Variants in CUBN observed in about 807,000 individuals in gnomAD.
CUBN encodes the protein 460 kDa receptor.
CUBN carries 282 observed loss-of-function variants against 405.3 expected under a neutral mutation model. That is an observed-to-expected ratio of 0.70 (90% CI 0.63 to 0.77). CUBN has a LOEUF of 0.77. Ranked by LOEUF, CUBN falls within the 30% of genes least tolerant of loss-of-function variation. The probability of loss-of-function intolerance (pLI) is 0.00; values close to 1 mark genes in which losing one functional copy is unlikely to be tolerated. For missense variants in CUBN, 4,514 were observed against 4,475.2 expected (o/e 1.01, Z -0.25); for synonymous variants, 1,684 against 1,617.0 (o/e 1.04, Z -0.99).
intron 27 of CUBN, among the ~76,000 whole-genome samples, chr10:17,025,336 A>T (rs984070511): frequency 6.6e-6 from 1 of 152,230 alleles, no homozygotes; most frequent in African/African-American, 2.4e-5. Flanking sequence ...TTTATTGTAG[A>T]ATGTACTTGA....
At chr10:17,007,080 G>A (rs1834046275) in intron 28 of CUBN, among the ~76,000 whole-genome samples, 1 of 152,166 alleles carries the variant, frequency 6.6e-6, no homozygotes, top group Admixed American at 6.5e-5. Context: ...GAAGGCTTCT[G>A]GGAGCAACGA....
chr10:16,920,557 G>C (rs1842006735), intron 43 of CUBN, among the ~76,000 whole-genome samples: 2 of 152,098 alleles, frequency 1.3e-5, no homozygotes, highest in African/African-American at 4.8e-5. Context: ...AAAAGACTAA[G>C]CAGATATATC....
chr10:17,049,366 G>C (rs1011503802), intron 22 of CUBN, among the ~76,000 whole-genome samples: 3 of 152,124 alleles, frequency 2.0e-5, no homozygotes, highest in Admixed American at 1.3e-4. Flanking sequence ...ATTATCTGTC[G>C]TCACTTGTTC....
chr10:17,047,867 C>G (rs1251734689), intron 22 of CUBN, among the ~76,000 whole-genome samples: 1 of 152,110 alleles, frequency 6.6e-6, no homozygotes, highest in East Asian at 1.9e-4. Flanking sequence ...GAAAGTGTTA[C>G]GTTTTTCTAA....
rs573686330 is a variant in CUBN at position 16,917,837 on chromosome 10, C to T, written c.7000+785G>A. On this transcript the variant is annotated intron_variant, in intron 45 of 66. Transcript: ENST00000377833. Reference sequence around the variant, plus strand: ...GCAAATAGACTTATTTTTAAAAAGTCATGGTTTTTAAAAAAGTTTTAACAT... The same window carrying T: ...GCAAATAGACTTATTTTTAAAAAGTTATGGTTTTTAAAAAAGTTTTAACAT... Among the ~76,000 whole-genome samples, 6 of 152,094 alleles carry T rather than the reference C, an allele frequency of 3.9e-5. No homozygotes were observed. The East Asian group carries it at 1.2e-3, about 29-fold the overall frequency.
chr10:17,119,477 T>C (rs889303645), intron 6 of CUBN, among the ~76,000 whole-genome samples: 8 of 152,074 alleles, frequency 5.3e-5, no homozygotes, highest in South Asian at 2.1e-4. Flanking sequence ...CTGGCCAACA[T>C]GGTGAAACCC....
chr10:16,966,117 T>G (rs566259963), intron 31 of CUBN: 74 of 398,960 alleles, frequency 1.9e-4, no homozygotes, highest in African/African-American at 1.4e-3. Flanking sequence ...GAGTCCCCCA[T>G]CCTTTGCATC....
At position 16,937,066 on chromosome 10, in the gene CUBN, A is replaced by G. The variant is rs546357869; in HGVS notation, c.5926+526T>C. Among the ~76,000 whole-genome samples the G allele has an allele frequency of 6.8e-4, 103 of 152,310 alleles. 2 individuals carry two copies. The South Asian group carries it at 0.011, about 16-fold the overall frequency. On this transcript the variant is annotated intron_variant, in intron 39 of 66. Transcript: ENST00000377833. ...AAGTCTCCCCAAACAATGCTAGCTC[A>G]ATATCACTTTCACTGAGGGGATTAG...
rs769528600 is a variant in CUBN at position 16,915,865 on chromosome 10, C to T, written c.7166G>A (p.Gly2389Asp). 6.2e-7 allele frequency: 1 copy of T among 1,613,896 alleles called. No individual in the cohort carries two copies. The highest frequency in any genetic ancestry group is 8.5e-7 in the Non-Finnish European group (1 of 1,179,978). ...GATCTCCACGAAGTCTTTTTCACAG[C>T]CAGAAGAATTCTGAAGGTTAAAGTC... ...FEDFNLQNSS[G>D]CEKDFVEIWD... Residue 2389 changes from glycine (G) to aspartate (D), a missense_variant, in exon 46 of 67, where the codon GGC becomes GAC. By Grantham distance (94) the Gly-to-Asp change is moderately conservative. This residue lies in a region of CUBN where 1,613 missense variants were observed against 1,542.8 expected (regional missense o/e 1.05). Coordinates refer to ENST00000377833, the MANE Select transcript of CUBN (RefSeq NM_001081.4).
chr10:16,860,081 G>T (rs551417296), intron 59 of CUBN, among the ~76,000 whole-genome samples: 7 of 151,904 alleles, frequency 4.6e-5, no homozygotes, highest in Non-Finnish European at 1.0e-4. Context: ...TTTAAAAGGG[G>T]AGTAATAAAA....
At chr10:16,932,620 C>T (rs1044298461) in intron 40 of CUBN, among the ~76,000 whole-genome samples, 3 of 152,148 alleles carry the variant, frequency 2.0e-5, no homozygotes, top group African/African-American at 7.2e-5. Flanking sequence ...GAGACAGGGT[C>T]TCATTCTGCT....
In CUBN at chr10:17,104,548, T is replaced by C. The variant is rs2131301143; in HGVS notation, c.1288A>G (p.Thr430Ala). ...CTCAAACACTCATTGATGTTTTCTG[T>C]ACAGTTGACACCTGTCCAACCTGAG... ...CDSGWTGVNCTENINECLSNP... is the reference protein window; with the variant it reads ...CDSGWTGVNCAENINECLSNP... The change falls in exon 12 of 67, where the codon ACA (threonine) becomes GCA (alanine). Residue 430 changes from threonine to alanine, a missense_variant. By Grantham distance (58) the Thr-to-Ala change is moderately conservative. This residue lies in a region of CUBN where 1,448 missense variants were observed against 1,388.0 expected (regional missense o/e 1.04). Transcript: ENST00000377833. 4 of 1,613,772 alleles carry C rather than the reference T, an allele frequency of 2.5e-6. No homozygotes were observed. Among genetic ancestry groups the C allele is most frequent in the Non-Finnish European group, 3.4e-6 (4 of 1,179,978 alleles).
chr10:16,977,372 G>A (rs1833129403), intron 31 of CUBN, among the ~76,000 whole-genome samples: 2 of 152,142 alleles, frequency 1.3e-5, no homozygotes, highest in Non-Finnish European at 2.9e-5. Context: ...AAATAGAAGA[G>A]CAGAGGAGCA....
At chr10:17,085,836 C>G in intron 15 of CUBN, 77 bp from the exon 16 acceptor site, 1 of 1,290,742 alleles carries the variant, frequency 7.7e-7, no homozygotes, top group Non-Finnish European at 1.1e-6. Flanking sequence ...ATATTAACTT[C>G]ATAAAATCTA....
chr10:16,948,368 G>T, intron 35 of CUBN, 110 bp downstream of exon 35: 1 of 1,429,598 alleles, frequency 7.0e-7, no homozygotes, highest in Non-Finnish European at 9.8e-7. Flanking sequence ...GCCCAGAGGT[G>T]ATCTCAGGAA....
chr10:16,958,421 G>A (rs899463243), intron 31 of CUBN, among the ~76,000 whole-genome samples: 1 of 152,152 alleles, frequency 6.6e-6, no homozygotes, highest in Non-Finnish European at 1.5e-5. Context: ...AGCTACTCAG[G>A]AGGCTGAGGC....
At chr10:16,836,881 T>C (rs1839187730) in intron 62 of CUBN, among the ~76,000 whole-genome samples, 2 of 152,158 alleles carry the variant, frequency 1.3e-5, no homozygotes, top group South Asian at 4.1e-4. Flanking sequence ...CCGGTTCCCC[T>C]TTGTAACACT....
At chr10:17,081,561 A>G (rs932042392) in intron 17 of CUBN, among the ~76,000 whole-genome samples, 5 of 152,170 alleles carry the variant, frequency 3.3e-5, no homozygotes, top group African/African-American at 4.8e-5. Context: ...GGAACAATAT[A>G]TTGAGTCATA....
chr10:17,046,322 T>C (rs1835131257), intron 23 of CUBN, among the ~76,000 whole-genome samples: 2 of 152,184 alleles, frequency 1.3e-5, no homozygotes, highest in African/African-American at 4.8e-5. Flanking sequence ...GCTGGTATGG[T>C]GTTTTATATA....
Sources: gnomAD v4.1 joint callset for allele counts (sites outside exome capture counted in the v4.1 genomes callset) on GRCh38, gnomAD v4.1.1 for gene constraint, gnomAD v4.1.1 regional missense constraint, MANE v1.5 for transcripts, NCBI Gene and HGNC (gene_info 2026-07-23, HGNC 2026-07-21) for gene names.